The following MVB12B variants were observed in gnomAD, a reference collection of about 807,000 sequenced individuals.
MVB12B encodes the protein ESCRT-I complex subunit MVB12B.
Under a neutral mutation model 41.6 loss-of-function variants are expected in MVB12B, and 16 were observed. That is an observed-to-expected ratio of 0.38 (90% CI 0.26 to 0.58). The LOEUF (loss-of-function observed/expected upper bound fraction) is 0.58. Among genes scored for constraint, MVB12B ranks in the 20% least tolerant of loss-of-function variants. The pLI is 0.62. For missense variants in MVB12B, 274 were observed against 380.2 expected (o/e 0.72, Z 2.32); for synonymous variants, 133 against 139.7 (o/e 0.95, Z 0.34).
chr9:126,422,071 G>A, intron 7 of MVB12B, 123 bp downstream of exon 7: 1 of 723,044 alleles, frequency 1.4e-6, no homozygotes, highest in South Asian at 1.6e-5. Context: ...TCCCTGCAGG[G>A]GACCTGTTCC....
chr9:126,476,439 G>A (rs1833421293), intron 7 of MVB12B, among the ~76,000 whole-genome samples: 1 of 152,252 alleles, frequency 6.6e-6, no homozygotes. Flanking sequence ...GGGAGGTGGG[G>A]TGAGCACCCT....
intron 1 of MVB12B, among the ~76,000 whole-genome samples, chr9:126,331,927 C>T (rs1047298351): frequency 6.6e-6 from 1 of 152,242 alleles, no homozygotes; most frequent in Non-Finnish European, 1.5e-5. Flanking sequence ...TTCCATTAGA[C>T]CACTGGGGTG....
chr9:126,441,400 CAGTA>C (rs1832636874), intron 7 of MVB12B, among the ~76,000 whole-genome samples: 1 of 152,178 alleles, frequency 6.6e-6, no homozygotes, highest in Non-Finnish European at 1.5e-5. Flanking sequence ...GAGATGAACT[CAGTA>C]AGCGATACAT....
At chr9:126,365,424 C>G (rs1316057754) in intron 2 of MVB12B, among the ~76,000 whole-genome samples, 1 of 151,356 alleles carries the variant, frequency 6.6e-6, no homozygotes, top group East Asian at 1.9e-4. Flanking sequence ...CCTTCGTCTC[C>G]CAGGTTCAAG....
At chr9:126,490,374 C>A (rs1833707325) in intron 9 of MVB12B, among the ~76,000 whole-genome samples, 2 of 152,170 alleles carry the variant, frequency 1.3e-5, no homozygotes, top group Non-Finnish European at 2.9e-5. Flanking sequence ...GTGTGCTTAA[C>A]TACCCGCAAG....
rs553922717 is a variant in MVB12B, at chr9:126,399,421, G to A, written c.662+3724G>A. Among the ~76,000 whole-genome samples, 9 of 152,300 alleles carry A rather than the reference G, an allele frequency of 5.9e-5. No homozygotes were observed. The South Asian group carries it at 1.9e-3, about 32-fold the overall frequency. On this transcript the variant is annotated intron_variant, in intron 6 of 9. Coordinates refer to ENST00000361171, the MANE Select transcript of MVB12B (RefSeq NM_033446.3). The stretch of plus-strand genomic sequence containing the variant: ...GTCCCATCTCTGTGGCCCTCTTTGG[G>A]GCTGGGCCCAGCTTTGTGAGTCAGC...
rs1830216785 is a variant in MVB12B at position 126,367,558 on chromosome 9, C to T, written c.205-13506C>T. Among the ~76,000 whole-genome samples, 1 of 152,214 alleles carries T rather than the reference C, an allele frequency of 6.6e-6. No homozygotes were observed. The highest frequency in any genetic ancestry group is 1.5e-5 in the Non-Finnish European group (1 of 68,040). On this transcript the variant is annotated intron_variant, in intron 2 of 9. Coordinates refer to ENST00000361171, the MANE Select transcript of MVB12B (RefSeq NM_033446.3). This position sits in a 1 kb window ranked among gnomAD's most constrained non-coding sequence, Gnocchi z 4.3. ...CCTTTGGTTCTGTTTATCCTCCCAGCAGCCTGCCTCTTCTCCTTCTGCCTT... is the reference window on the plus strand; with the variant it reads ...CCTTTGGTTCTGTTTATCCTCCCAGTAGCCTGCCTCTTCTCCTTCTGCCTT...
rs555704478 is a variant in MVB12B, at chr9:126,464,125, A to G, written c.758-17244A>G. ...ACCTACAGGCCCTGGGCCAACAGGG[A>G]CCATGGTTCCCTCATGGAGCTCATA... On this transcript the variant is annotated intron_variant, in intron 7 of 9. Transcript: ENST00000361171. 7.9e-5 allele frequency among the ~76,000 whole-genome samples: 12 copies of G among 152,286 alleles called. No individual in the cohort carries two copies. In the East Asian group the frequency reaches 2.3e-3, roughly 29 times the overall value.
intron 7 of MVB12B, among the ~76,000 whole-genome samples, chr9:126,453,831 A>T (rs753067315): frequency 1.3e-5 from 2 of 152,206 alleles, no homozygotes; most frequent in Admixed American, 6.5e-5. Flanking sequence ...CACACATGAC[A>T]TATACACAGG....
chr9:126,452,683 C>G (rs992924953), intron 7 of MVB12B, among the ~76,000 whole-genome samples: 4 of 152,018 alleles, frequency 2.6e-5, no homozygotes, highest in African/African-American at 9.7e-5. Flanking sequence ...TTCCCCCATG[C>G]CTTTGATCTT....
At chr9:126,435,207 G>A (rs189914234) in intron 7 of MVB12B, among the ~76,000 whole-genome samples, 8 of 152,218 alleles carry the variant, frequency 5.3e-5, no homozygotes, top group Non-Finnish European at 1.0e-4. Flanking sequence ...TATAACTGCC[G>A]TAAATATTGT....
chr9:126,477,552 C>T (rs1300758995), intron 7 of MVB12B, among the ~76,000 whole-genome samples: 1 of 152,172 alleles, frequency 6.6e-6, no homozygotes, highest in African/African-American at 2.4e-5. Context: ...GGAGCAAAGG[C>T]ATGCCTTACA....
At chr9:126,438,919 G>A (rs542914661) in intron 7 of MVB12B, among the ~76,000 whole-genome samples, 2 of 152,198 alleles carry the variant, frequency 1.3e-5, no homozygotes, top group South Asian at 2.1e-4. Context: ...TGAATCCCGT[G>A]TATGATACTC....
rs1833373765 is a variant in MVB12B at position 126,473,945 on chromosome 9, ACTT to A, written c.758-7420_758-7418del. Among the ~76,000 whole-genome samples the A allele has an allele frequency of 2.0e-5, 3 of 152,092 alleles. No individual in the cohort carries two copies. The highest frequency in any genetic ancestry group is 2.0e-4 in the Admixed American group (3 of 15,264). ...TTTTGTAGAACTGGGCTTGGGGAGA[ACTT>A]CTTTACCTCCCAGGTTTGTTGGGGG... On this transcript the variant is annotated intron_variant, in intron 7 of 9. Transcript: ENST00000361171. The surrounding 1 kb of genome is among the most constrained non-coding windows in gnomAD (Gnocchi z 4.0).
In MVB12B at chr9:126,421,761, G is replaced by A. The variant is rs571806946; in HGVS notation, c.663-93G>A. On this transcript the variant is annotated intron_variant, in intron 6 of 9. Transcript: ENST00000361171. ...AAGCACCTGCTCTGCCCGCTGATCTGTGCTGCATTTCAGCTGTTGATGGCG... is the reference window on the plus strand; with the variant it reads ...AAGCACCTGCTCTGCCCGCTGATCTATGCTGCATTTCAGCTGTTGATGGCG... The A allele has an allele frequency of 5.3e-6, 5 of 942,328 alleles. No homozygotes were observed. The African/African-American group carries it at 8.0e-5, about 15-fold the overall frequency. The allele number at this position is 942,328 out of a possible 1,614,324, so 58.4% of individuals were successfully genotyped here.
rs758129611 is a variant in MVB12B at position 126,405,653 on chromosome 9, C to T, written c.662+9956C>T. On this transcript the variant is annotated intron_variant, in intron 6 of 9. Transcript: ENST00000361171. ...CCGCCCCAACTATGCTGCTCTATTT[C>T]GATGCAGAGTTTCAATTATTAATTG... Among the ~76,000 whole-genome samples the T allele has an allele frequency of 5.5e-5, 8 of 146,646 alleles. No individual in the cohort carries two copies. In the East Asian group the frequency reaches 8.3e-4, roughly 15 times the overall value.
chr9:126,498,545 C>T (rs1020179632), intron 9 of MVB12B, among the ~76,000 whole-genome samples: 1 of 152,236 alleles, frequency 6.6e-6, no homozygotes, highest in African/African-American at 2.4e-5. Flanking sequence ...CGGTCTGGCC[C>T]CCATGCTGGA....
Position 126,340,934 on chromosome 9 carries a change from C to T in MVB12B, c.204+304C>T, listed in dbSNP as rs559723626. Among the ~76,000 whole-genome samples the T allele has an allele frequency of 3.9e-5, 6 of 152,270 alleles. No individual in the cohort carries two copies. The highest frequency in any genetic ancestry group is 1.9e-4 in the East Asian group (1 of 5,182). The stretch of plus-strand genomic sequence containing the variant: ...GTGAAAAGGATCCAGAGTCTATGAA[C>T]GACTCCTGGTGGTTTTCATATATTG... On this transcript the variant is annotated intron_variant, in intron 2 of 9. Transcript: ENST00000361171. This position sits in a 1 kb window ranked among gnomAD's most constrained non-coding sequence, Gnocchi z 4.0.
rs966955962 is a variant in MVB12B, at chr9:126,333,475, G to A, written c.81+6465G>A. ...CCTGGAGTGCAGTGGCACCATCTCAGCTCACTGCAACCTCCACCTCCTGGG... is the reference window on the plus strand; with the variant it reads ...CCTGGAGTGCAGTGGCACCATCTCAACTCACTGCAACCTCCACCTCCTGGG... On this transcript the variant is annotated intron_variant, in intron 1 of 9. Transcript: ENST00000361171. The surrounding 1 kb of genome is among the most constrained non-coding windows in gnomAD (Gnocchi z 4.7). Among the ~76,000 whole-genome samples, 14 of 152,162 alleles carry A rather than the reference G, an allele frequency of 9.2e-5. No individual in the cohort carries two copies. The highest frequency in any genetic ancestry group is 3.4e-4 in the African/African-American group (14 of 41,418).
Sources: gnomAD v4.1 joint callset for allele counts (sites outside exome capture counted in the v4.1 genomes callset) on GRCh38, gnomAD v4.1.1 for gene constraint, Gnocchi (gnomAD v3.1) non-coding constraint, MANE v1.5 for transcripts, NCBI Gene and HGNC (gene_info 2026-07-23, HGNC 2026-07-21) for gene names.